Variants in PCDHGB6 observed in about 807,000 individuals in gnomAD.
PCDHGB6 encodes the protein protocadherin gamma subfamily B, 6.
PCDHGB6 carries 51 observed loss-of-function variants against 59.1 expected under a neutral mutation model. The observed-to-expected ratio is 0.86, with a 90% CI of 0.69 to 1.09. The LOEUF is 1.09. Ranked by LOEUF, PCDHGB6 falls within the 50% of genes least tolerant of loss-of-function variation. The probability of loss-of-function intolerance (pLI) is 0.00; values close to 1 mark genes in which losing one functional copy is unlikely to be tolerated. For synonymous variants in PCDHGB6, 466 were observed against 495.1 expected, an observed-to-expected ratio of 0.94 and a Z score of 0.78; for missense variants, 1,148 against 1,205.1, an observed-to-expected ratio of 0.95 and a Z score of 0.70.
At chr5:141,422,463 C>T in intron 1 of PCDHGB6, 1 of 1,613,472 alleles carries the variant, frequency 6.2e-7, no homozygotes, top group African/African-American at 1.3e-5. Context: ...GAGTGCTGGA[C>T]AGGGAGTTGG....
At chr5:141,427,422 G>C (rs922637577) in intron 1 of PCDHGB6, 1 of 468,292 alleles carries the variant, frequency 2.1e-6, no homozygotes, top group Non-Finnish European at 4.3e-6. Context: ...AAATGGGGAG[G>C]TTACATGCCT....
chr5:141,511,823 G>A lies in PCDHGB6; in HGVS notation c.*650G>A, dbSNP rs1490513046. On this transcript the variant is annotated 3_prime_UTR_variant, in exon 4 of 4. Transcript: ENST00000520790. ...TTTTGCTACCAAGCCTCTTCCCAACGCCCTGGGGACCAGTCTTCTGTTTTG... is the reference window on the plus strand; with the variant it reads ...TTTTGCTACCAAGCCTCTTCCCAACACCCTGGGGACCAGTCTTCTGTTTTG... 4 of 156,728 alleles carry A rather than the reference G, an allele frequency of 2.6e-5. No homozygotes were observed. The highest frequency in any genetic ancestry group is 3.2e-3 in the Middle Eastern group (1 of 316). 9.7% of individuals were successfully genotyped at this position (156,728 alleles called of 1,614,324 possible). A position where few individuals can be genotyped will look rare whatever the true frequency, so the allele number is the denominator to read the frequency against.
At chr5:141,457,422 T>TC (rs1038085994) in intron 1 of PCDHGB6, among the ~76,000 whole-genome samples, 6 of 151,626 alleles carry the variant, frequency 4.0e-5, no homozygotes, top group African/African-American at 7.3e-5. Flanking sequence ...CATCCCTTTT[T>TC]CCCCCCCACC....
chr5:141,507,616 G>A (rs1288020739), intron 3 of PCDHGB6, among the ~76,000 whole-genome samples: 3 of 152,252 alleles, frequency 2.0e-5, no homozygotes, highest in Non-Finnish European at 4.4e-5. Context: ...GGTATATTTA[G>A]CTGTTGTGGC....
At chr5:141,488,932 A>G (rs2233598) in intron 1 of PCDHGB6, among the ~76,000 whole-genome samples, 31,368 of 152,090 alleles carry the variant, frequency 0.21, 3,372 homozygotes, top group Admixed American at 0.31. Flanking sequence ...GGATTGAGGA[A>G]ACTCCATAAT....
In PCDHGB6 at chr5:141,477,080, A is replaced by G; in HGVS notation, c.2419-17727A>G. 1.9e-6 allele frequency: 3 copies of G among 1,614,254 alleles called. No homozygotes were observed. The highest frequency in any genetic ancestry group is 2.5e-6 in the Non-Finnish European group (3 of 1,180,042). ...GGACACCAAACTCCATGAGATTTAC[A>G]TCCAGGCCAAAGACAAGGGCGCCAA... On this transcript the variant is annotated intron_variant, in intron 1 of 3. Coordinates refer to ENST00000520790, the MANE Select transcript of PCDHGB6 (RefSeq NM_018926.3). The surrounding 1 kb of genome is among the most constrained non-coding windows in gnomAD (Gnocchi z 4.9).
At chr5:141,412,666 G>C (rs991501719) in intron 1 of PCDHGB6, 3 of 152,120 alleles carry the variant, frequency 2.0e-5, no homozygotes, top group African/African-American at 7.2e-5. Flanking sequence ...ACACTAATAT[G>C]ACCTAAAATA....
rs537196945 is a variant in PCDHGB6 at position 141,470,749 on chromosome 5, G to A, written c.2419-24058G>A. 3.9e-5 allele frequency among the ~76,000 whole-genome samples: 6 copies of A among 152,260 alleles called. No individual in the cohort carries two copies. The East Asian group carries it at 7.7e-4, about 20-fold the overall frequency. On this transcript the variant is annotated intron_variant, in intron 1 of 3. Coordinates refer to ENST00000520790, the MANE Select transcript of PCDHGB6 (RefSeq NM_018926.3). ...GTCTTGCTCTGTCGCCCTGGCTGGAGTGCAGTGGACTCACTACAGTCTTGA... is the reference window on the plus strand; with the variant it reads ...GTCTTGCTCTGTCGCCCTGGCTGGAATGCAGTGGACTCACTACAGTCTTGA...
rs199877605 is a variant in PCDHGB6 at position 141,421,311 on chromosome 5, G to A, written c.2418+10691G>A. The A allele has an allele frequency of 9.5e-5, 154 of 1,613,788 alleles. No individual in the cohort carries two copies. The African/African-American group carries it at 1.9e-3, about 20-fold the overall frequency. On this transcript the variant is annotated intron_variant, in intron 1 of 3. Coordinates refer to ENST00000520790, the MANE Select transcript of PCDHGB6 (RefSeq NM_018926.3). ...TCCTGGGGACGCTGCGGGGGTTCCG[G>A]GCCAGGCAGATCCGATATTCGGTGC... is the stretch of plus-strand genomic sequence containing the variant.
intron 1 of PCDHGB6, chr5:141,424,304 C>T (rs909355692): frequency 2.0e-5 from 3 of 152,464 alleles, no homozygotes; most frequent in Admixed American, 2.0e-4. Flanking sequence ...CCTATCAACA[C>T]AGACATATTG....
chr5:141,505,618 A>G, intron 3 of PCDHGB6, 137 bp downstream of exon 3: 6 of 1,496,136 alleles, frequency 4.0e-6, no homozygotes, highest in Non-Finnish European at 5.4e-6. Flanking sequence ...GAAAGGACCC[A>G]CAATTCCAAA....
intron 1 of PCDHGB6, among the ~76,000 whole-genome samples, chr5:141,473,422 A>C (rs2154571673): frequency 6.6e-6 from 1 of 152,332 alleles, no homozygotes; most frequent in African/African-American, 2.4e-5. Context: ...TGGGGGAAGC[A>C]GATACTTTGC....
rs2099416627 is a variant in PCDHGB6 at position 141,477,726 on chromosome 5, C to T, written c.2419-17081C>T. 6.2e-7 allele frequency: 1 copy of T among 1,613,822 alleles called. No homozygotes were observed. The highest frequency in any genetic ancestry group is 8.5e-7 in the Non-Finnish European group (1 of 1,180,020). ...GATCGGCGGGAATTTGAATTAACAG[C>T]TCATATCAGCGATGGGGGCACCCCG... On this transcript the variant is annotated intron_variant, in intron 1 of 3. Coordinates refer to ENST00000520790, the MANE Select transcript of PCDHGB6 (RefSeq NM_018926.3). This position sits in a 1 kb window ranked among gnomAD's most constrained non-coding sequence, Gnocchi z 4.9.
chr5:141,418,776 C>G (rs763308217), intron 1 of PCDHGB6: 1 of 1,613,806 alleles, frequency 6.2e-7, no homozygotes, highest in East Asian at 2.2e-5. Flanking sequence ...ACTCAGCAGC[C>G]TTTGGATTTT....
intron 1 of PCDHGB6, chr5:141,423,184 C>T (rs747938944): frequency 9.3e-6 from 15 of 1,613,442 alleles, no homozygotes; most frequent in Non-Finnish European, 1.2e-5. Context: ...CCACGGCCAG[C>T]CCCCTCTCTC....
rs1176011355 is a variant in PCDHGB6 at position 141,485,491 on chromosome 5, G to A, written c.2419-9316G>A. The A allele has an allele frequency of 1.2e-6, 2 of 1,614,142 alleles. No individual in the cohort carries two copies. Among genetic ancestry groups the A allele is most frequent in the Non-Finnish European group, 1.7e-6 (2 of 1,180,040 alleles). On this transcript the variant is annotated intron_variant, in intron 1 of 3. Transcript: ENST00000520790. This position sits in a 1 kb window ranked among gnomAD's most constrained non-coding sequence, Gnocchi z 5.7. ...TCAGTGCCAGCTGCATCGTGCCCCT[G>A]GAGTTTGTCACCGAAGGTCCTTTGG...
intron 1 of PCDHGB6, chr5:141,417,639 C>G: frequency 1.3e-6 from 1 of 745,670 alleles, no homozygotes; most frequent in Non-Finnish European, 2.1e-6. Flanking sequence ...CGCCGGGGAT[C>G]CCTCAGCCTC....
At chr5:141,501,305 A>G (rs2099807563) in intron 2 of PCDHGB6, among the ~76,000 whole-genome samples, 1 of 151,322 alleles carries the variant, frequency 6.6e-6, no homozygotes, top group African/African-American at 2.4e-5. Flanking sequence ...ACACACACAC[A>G]CACACACACA....
chr5:141,495,122 C>T (rs1365586518), intron 2 of PCDHGB6, among the ~76,000 whole-genome samples: 2 of 152,282 alleles, frequency 1.3e-5, no homozygotes, highest in East Asian at 3.9e-4. Flanking sequence ...TTCCTATCCC[C>T]TGAGGGCACT....
Sources: gnomAD v4.1 joint callset for allele counts (sites outside exome capture counted in the v4.1 genomes callset) on GRCh38, gnomAD v4.1.1 for gene constraint, Gnocchi (gnomAD v3.1) non-coding constraint, MANE v1.5 for transcripts, NCBI Gene and HGNC (gene_info 2026-07-23, HGNC 2026-07-21) for gene names.